ZNF142: variants seen among roughly 807,000 people sequenced by gnomAD.
The protein encoded by ZNF142 is zinc finger protein 142 (clone pHZ-49).
In ZNF142, 96 loss-of-function variants were observed where a neutral mutation model predicts 132.1. That is an observed-to-expected ratio of 0.73 (90% CI 0.62 to 0.86). The LOEUF is 0.86. ZNF142 is among the 40% of genes least tolerant of loss of function. The pLI is 0.00. For missense variants in ZNF142, 2,163 were observed against 2,336.2 expected (o/e 0.93, Z 1.53); for synonymous variants, 842 against 890.1 (o/e 0.95, Z 0.96).
chr2:218,633,614 C>T lies in ZNF142; in HGVS notation c.*4725G>A, dbSNP rs1696522183. 1.2e-6 allele frequency: 2 copies of T among 1,613,498 alleles called. No individual in the cohort carries two copies. The highest frequency in any genetic ancestry group is 3.3e-5 in the Admixed American group (2 of 60,024). On this transcript the variant is annotated 3_prime_UTR_variant, in exon 11 of 11. Coordinates refer to ENST00000411696, the MANE Select transcript of ZNF142 (RefSeq NM_001379659.1). ...TTTCCACCTTCTCCAGAAATCCAAG[C>T]CCATCTTGTGTCCAGCCCTCTCTTC...
Position 218,634,288 on chromosome 2 carries a change from T to C in ZNF142, c.*4051A>G. On this transcript the variant is annotated 3_prime_UTR_variant, in exon 11 of 11. Coordinates refer to ENST00000411696, the MANE Select transcript of ZNF142 (RefSeq NM_001379659.1). This position sits in a 1 kb window ranked among gnomAD's most constrained non-coding sequence, Gnocchi z 4.0. ...AGCAGGTGGGAAATAAGTTCTCTAG[T>C]GATGGTAGGGTTGGGGAATGCTCAA... is the stretch of plus-strand genomic sequence containing the variant. 1.3e-6 allele frequency: 2 copies of C among 1,574,572 alleles called. No individual in the cohort carries two copies. Among genetic ancestry groups the C allele is most frequent in the Non-Finnish European group, 1.7e-6 (2 of 1,160,122 alleles).
At position 218,659,030 on chromosome 2, in the gene ZNF142, T is replaced by TCCTATC. The variant is rs1938968729; in HGVS notation, c.-267_-262dup. 6.6e-6 allele frequency: 1 copy of TCCTATC among 152,242 alleles called. No individual in the cohort carries two copies. Among genetic ancestry groups the TCCTATC allele is most frequent in the African/African-American group, 2.4e-5 (1 of 41,448 alleles). 9.4% of individuals were successfully genotyped at this position (152,242 alleles called of 1,614,324 possible). ...GCTTCGCTTCTCTGGGCCTCAGCTT[T>TCCTATC]CCTATCTGTAAAATGGAGGTGATGA... is the stretch of plus-strand genomic sequence containing the variant. On this transcript the variant is annotated 5_prime_UTR_variant, in exon 2 of 11. Coordinates refer to ENST00000411696, the MANE Select transcript of ZNF142 (RefSeq NM_001379659.1). This position sits in a 1 kb window ranked among gnomAD's most constrained non-coding sequence, Gnocchi z 4.4.
intron 4 of ZNF142, among the ~76,000 whole-genome samples, chr2:218,653,109 T>A (rs1228108212): frequency 6.6e-6 from 1 of 151,864 alleles, no homozygotes; most frequent in African/African-American, 2.4e-5. Flanking sequence ...TGAAAACCCG[T>A]CTCTACTAAA....
Position 218,644,478 on chromosome 2 carries a change from C to A in ZNF142, c.2638G>T (p.Gly880Cys). The A allele has an allele frequency of 4.3e-6, 7 of 1,613,992 alleles. No homozygotes were observed. Among genetic ancestry groups the A allele is most frequent in the Non-Finnish European group, 5.9e-6 (7 of 1,180,020 alleles). ...GSEAPHGGDL[G>C]GSPSPAEVEE... The stretch of plus-strand genomic sequence containing the variant: ...ACCTCTGCTGGGCTGGGACTGCCAC[C>A]CAGGTCACCCCCATGGGGAGCCTCA... The change falls in exon 9 of 11, where the codon GGT (glycine) becomes TGT (cysteine). Residue 880 changes from glycine to cysteine, a missense_variant. Physicochemically the swap from Gly to Cys is radical, Grantham distance 159. Transcript: ENST00000411696. This position sits in a 1 kb window ranked among gnomAD's most constrained non-coding sequence, Gnocchi z 4.6.
At chr2:218,650,892 C>T (rs1300611046) in intron 5 of ZNF142, among the ~76,000 whole-genome samples, 4 of 152,306 alleles carry the variant, frequency 2.6e-5, no homozygotes, top group Middle Eastern at 3.4e-3. Flanking sequence ...TTTCCTCCTG[C>T]TCCTCTGCTC....
rs1575061502 is a variant in ZNF142 at position 218,642,762 on chromosome 2, C to T, written c.4354G>A (p.Asp1452Asn). ...GGACAGAAGTGGGTAGGTGTTTTGT[C>T]ATGTACCCTTAACCGGTGCAAGCGC... The part of the protein sequence containing the change: ...KLRLHRLRVH[D>N]KTPTHFCPLC... The change falls in exon 9 of 11, where the codon GAC becomes AAC. Residue 1452 changes from aspartate (D) to asparagine (N), a missense_variant. Asp to Asn is a conservative substitution (Grantham distance 23). Around this residue, in one of 7 missense-constraint regions of ZNF142, gnomAD observed 809 missense variants for 801.7 expected, o/e 1.01. Transcript: ENST00000411696. This position sits in a 1 kb window ranked among gnomAD's most constrained non-coding sequence, Gnocchi z 4.6. 1.5e-5 allele frequency: 24 copies of T among 1,614,064 alleles called. No homozygotes were observed. Among genetic ancestry groups the T allele is most frequent in the Non-Finnish European group, 1.9e-5 (22 of 1,180,050 alleles).
At chr2:218,654,950 T>G (rs1357981462) in intron 4 of ZNF142, among the ~76,000 whole-genome samples, 1 of 151,936 alleles carries the variant, frequency 6.6e-6, no homozygotes, top group Non-Finnish European at 1.5e-5. Context: ...TAGCTGAGTG[T>G]GGGTGGTATA....
chr2:218,654,961 C>T (rs1215620929), intron 4 of ZNF142, among the ~76,000 whole-genome samples: 3 of 152,000 alleles, frequency 2.0e-5, no homozygotes, highest in Admixed American at 1.3e-4. Flanking sequence ...GGGTGGTATA[C>T]ACCTGTGGCC....
intron 9 of ZNF142, 105 bp from the exon 10 acceptor site, chr2:218,640,874 G>A: frequency 1.2e-6 from 1 of 826,890 alleles, no homozygotes; most frequent in Non-Finnish European, 2.0e-6. Context: ...TTTATCATAT[G>A]GCAAGCAGAC....
Position 218,642,514 on chromosome 2 carries a change from C to A in ZNF142, c.4602G>T (p.Gly1534=), listed in dbSNP as rs1200201642. The A allele has an allele frequency of 1.2e-6, 2 of 1,607,620 alleles. No individual in the cohort carries two copies. The highest frequency in any genetic ancestry group is 1.7e-6 in the Non-Finnish European group (2 of 1,176,062). The change falls in exon 9 of 11, where the codon GGG becomes GGT. Residue 1534 remains glycine, a synonymous_variant. Coordinates refer to ENST00000411696, the MANE Select transcript of ZNF142 (RefSeq NM_001379659.1). The surrounding 1 kb of genome is among the most constrained non-coding windows in gnomAD (Gnocchi z 4.6). ...TEGPLHCSRC[G]LLCPSPASLR... The stretch of plus-strand genomic sequence containing the variant: ...AGCTGGCAGGGCTGGGGCACAGCAA[C>A]CCACAGCGGGAACAGTGCAGGGGGC...
At position 218,633,888 on chromosome 2, in the gene ZNF142, C is replaced by G. The variant is rs1696543583; in HGVS notation, c.*4451G>C. The stretch of plus-strand genomic sequence containing the variant: ...GAGAGATGAAGGAGTTCAGAAACTC[C>G]TTAGAGCAGACAAGGGCAGAGGAGT... On this transcript the variant is annotated 3_prime_UTR_variant, in exon 11 of 11. Coordinates refer to ENST00000411696, the MANE Select transcript of ZNF142 (RefSeq NM_001379659.1). 3.9e-6 allele frequency: 5 copies of G among 1,288,336 alleles called. No individual in the cohort carries two copies. Among genetic ancestry groups the G allele is most frequent in the Non-Finnish European group, 5.4e-6 (5 of 920,082 alleles). 79.8% of individuals were successfully genotyped at this position (1,288,336 alleles called of 1,614,324 possible).
chr2:218,649,597 T>C (rs1937792037), intron 6 of ZNF142, 138 bp from the exon 7 acceptor site: 3 of 829,860 alleles, frequency 3.6e-6, no homozygotes, highest in Admixed American at 5.9e-5. Context: ...TCTCAAATAC[T>C]GTAGTCTCAA....
chr2:218,633,491 G>C lies in ZNF142; in HGVS notation c.*4848C>G, dbSNP rs1432768631. On this transcript the variant is annotated 3_prime_UTR_variant, in exon 11 of 11. Transcript: ENST00000411696. ...TCTCTTGTCCCGGCAGGTGAGGCAG[G>C]AGGGAGAATACAGTGGGGAGGCAGT... The C allele has an allele frequency of 2.4e-6, 3 of 1,248,260 alleles. No homozygotes were observed. In the Admixed American group the frequency reaches 5.4e-5, roughly 23 times the overall value. The allele number at this position is 1,248,260 out of a possible 1,614,324, so 77.3% of individuals were successfully genotyped here. A position where few individuals can be genotyped will look rare whatever the true frequency, so the allele number is the denominator to read the frequency against.
At position 218,643,334 on chromosome 2, in the gene ZNF142, G is replaced by T. The variant is rs1373297557; in HGVS notation, c.3782C>A (p.Thr1261Asn). The change falls in exon 9 of 11, where the codon ACC (threonine) becomes AAC (asparagine). Residue 1261 changes from threonine (T) to asparagine (N), a missense_variant. Coordinates refer to ENST00000411696, the MANE Select transcript of ZNF142 (RefSeq NM_001379659.1). ...GGACACATCAGGCTGGGTCTGGGGG[G>T]TCCCTCGTTTTCCTCCCCCGCCACG... ...GGRGGGGKRG[T>N]PQTQPDVSPL... The T allele has an allele frequency of 2.5e-6, 4 of 1,614,044 alleles. No individual in the cohort carries two copies. Among genetic ancestry groups the T allele is most frequent in the South Asian group, 2.2e-5 (2 of 91,082 alleles).
intron 3 of ZNF142, among the ~76,000 whole-genome samples, chr2:218,656,818 T>G (rs1938553141): frequency 7.0e-5 from 1 of 14,292 alleles, no homozygotes; most frequent in South Asian, 3.0e-3. Flanking sequence ...TCAGAAGTCC[T>G]TTTTTTTTTT....
intron 4 of ZNF142, 59 bp from the exon 5 acceptor site, chr2:218,652,359 A>G (rs1938088923): frequency 4.4e-6 from 2 of 453,100 alleles, no homozygotes; most frequent in Admixed American, 4.8e-5. Context: ...GACTCATAGG[A>G]GTTAGTTACT....
At position 218,642,738 on chromosome 2, in the gene ZNF142, G is replaced by T. The variant is rs1156347868; in HGVS notation, c.4378C>A (p.Pro1460Thr). The change falls in exon 9 of 11, where the codon CCA (proline) becomes ACA (threonine). Residue 1460 changes from proline (P) to threonine (T), a missense_variant. Coordinates refer to ENST00000411696, the MANE Select transcript of ZNF142 (RefSeq NM_001379659.1). This position sits in a 1 kb window ranked among gnomAD's most constrained non-coding sequence, Gnocchi z 4.6. The stretch of plus-strand genomic sequence containing the variant: ...AGGTAGCCACTATAGTCACAAAGTG[G>T]ACAGAAGTGGGTAGGTGTTTTGTCA... ...VHDKTPTHFC[P>T]LCDYSGYLRH... 3 of 1,614,110 alleles carry T rather than the reference G, an allele frequency of 1.9e-6. No homozygotes were observed. In the African/African-American group the frequency reaches 4.0e-5, roughly 22 times the overall value.
chr2:218,658,528 C>A (rs1036746643), intron 3 of ZNF142, among the ~76,000 whole-genome samples, 173 bp downstream of exon 3: 3 of 148,262 alleles, frequency 2.0e-5, no homozygotes, highest in Admixed American at 2.0e-4. Flanking sequence ...GCAACAAGAG[C>A]GAAACTCCGT....
At chr2:218,647,440 C>T (rs74545588) in intron 7 of ZNF142, among the ~76,000 whole-genome samples, 3,153 of 21,542 alleles carry the variant, frequency 0.15, 193 homozygotes, top group African/African-American at 0.25. Context: ...AAAAAAGCCT[C>T]CTCCCCTCAA....
Sources: gnomAD v4.1 joint callset for allele counts (sites outside exome capture counted in the v4.1 genomes callset) on GRCh38, gnomAD v4.1.1 for gene constraint, gnomAD v4.1.1 regional missense constraint, Gnocchi (gnomAD v3.1) non-coding constraint, MANE v1.5 for transcripts, NCBI Gene and HGNC (gene_info 2026-07-23, HGNC 2026-07-21) for gene names.